The following TCF7L1 variants were observed in gnomAD, a reference collection of about 807,000 sequenced individuals.
TCF7L1 encodes the protein transcription factor 7-like 1.
In TCF7L1, 18 loss-of-function variants were observed where a neutral mutation model predicts 63.7. The observed-to-expected ratio is 0.28, with a 90% CI of 0.20 to 0.42. The LOEUF (loss-of-function observed/expected upper bound fraction) is 0.42. TCF7L1 is among the 10% of genes least tolerant of loss of function. The pLI is 1.00. For missense variants in TCF7L1, 654 were observed against 779.3 expected, an observed-to-expected ratio of 0.84 and a Z score of 1.91; for synonymous variants, 355 against 340.9, an observed-to-expected ratio of 1.04 and a Z score of -0.46.
chr2:85,268,543 G>T (rs1461317250), intron 3 of TCF7L1, among the ~76,000 whole-genome samples: 1 of 143,286 alleles, frequency 7.0e-6, no homozygotes, highest in East Asian at 2.1e-4. Context: ...GCACGATTTC[G>T]GTTCACTGCA....
intron 3 of TCF7L1, among the ~76,000 whole-genome samples, chr2:85,252,250 A>G (rs1320561726): frequency 6.6e-6 from 1 of 152,196 alleles, no homozygotes; most frequent in Non-Finnish European, 1.5e-5. Context: ...CCCACAGGCT[A>G]GCTGATGCCT....
intron 3 of TCF7L1, among the ~76,000 whole-genome samples, chr2:85,165,373 C>A (rs928079792): frequency 6.8e-6 from 1 of 147,966 alleles, no homozygotes; most frequent in African/African-American, 2.4e-5. Flanking sequence ...ACAAGCCCAG[C>A]CTTAAATCTG....
intron 3 of TCF7L1, among the ~76,000 whole-genome samples, chr2:85,226,476 C>G (rs1020944503): frequency 2.0e-5 from 3 of 152,162 alleles, no homozygotes; most frequent in African/African-American, 7.2e-5. Flanking sequence ...TGAATCTGGG[C>G]TAGCCTGGAA....
intron 3 of TCF7L1, among the ~76,000 whole-genome samples, chr2:85,218,619 A>G (rs1199571256): frequency 6.7e-6 from 1 of 149,602 alleles, no homozygotes; most frequent in Non-Finnish European, 1.5e-5. Flanking sequence ...ATATTTAGTT[A>G]AAATATCTTT....
intron 3 of TCF7L1, among the ~76,000 whole-genome samples, chr2:85,180,362 G>A (rs371654224): frequency 1.5e-4 from 23 of 151,830 alleles, no homozygotes; most frequent in Middle Eastern, 3.4e-3. Context: ...TGTGAGCTAC[G>A]GTGCCCCAAA....
chr2:85,266,820 T>G (rs1213101777), intron 3 of TCF7L1, among the ~76,000 whole-genome samples: 1 of 152,264 alleles, frequency 6.6e-6, no homozygotes, highest in Non-Finnish European at 1.5e-5. Context: ...CCAATTATTT[T>G]TATGTTTATG....
chr2:85,142,247 C>T (rs546637057), intron 3 of TCF7L1, among the ~76,000 whole-genome samples: 3 of 151,924 alleles, frequency 2.0e-5, no homozygotes, highest in African/African-American at 4.8e-5. Context: ...GGCAATATGG[C>T]GAAACCCCAT....
chr2:85,160,868 G>A lies in TCF7L1; in HGVS notation c.441+26418G>A, dbSNP rs571068171. Among the ~76,000 whole-genome samples the A allele has an allele frequency of 3.3e-5, 5 of 152,266 alleles. No homozygotes were observed. In the South Asian group the frequency reaches 6.2e-4, roughly 19 times the overall value. On this transcript the variant is annotated intron_variant, in intron 3 of 11. Coordinates refer to ENST00000282111, the MANE Select transcript of TCF7L1 (RefSeq NM_031283.3). ...TCTGTCTCAAAAAGAAAAGAAAAAA[G>A]AAGCCGCTTAGTTTTGTTCCAGAAG...
chr2:85,155,035 T>G (rs1167456890), intron 3 of TCF7L1, among the ~76,000 whole-genome samples: 1 of 152,166 alleles, frequency 6.6e-6, no homozygotes, highest in Non-Finnish European at 1.5e-5. Flanking sequence ...CAGGCTAGTC[T>G]CAAACTCCTG....
chr2:85,158,412 C>T (rs997744937), intron 3 of TCF7L1, among the ~76,000 whole-genome samples: 17 of 152,136 alleles, frequency 1.1e-4, no homozygotes, highest in East Asian at 3.9e-4. Flanking sequence ...TCCAGAACTC[C>T]GAGGCCCAAA....
intron 3 of TCF7L1, among the ~76,000 whole-genome samples, chr2:85,201,821 T>A (rs1679278072): frequency 6.6e-6 from 1 of 152,228 alleles, no homozygotes; most frequent in Admixed American, 6.5e-5. Context: ...AAGTGGTATG[T>A]CATTGTAGTT....
Position 85,133,958 on chromosome 2 carries a change from C to T in TCF7L1, c.249+25C>T, listed in dbSNP as rs903187170. Reference sequence around the variant, plus strand: ...GGTAAGGAAGCACCGCGGCCACCCCCGGGGGATCCCGGCCCTGCGTCCGCT... The same window carrying T: ...GGTAAGGAAGCACCGCGGCCACCCCTGGGGGATCCCGGCCCTGCGTCCGCT... On this transcript the variant is annotated intron_variant, in intron 1 of 11. Coordinates refer to ENST00000282111, the MANE Select transcript of TCF7L1 (RefSeq NM_031283.3). This position sits in a 1 kb window ranked among gnomAD's most constrained non-coding sequence, Gnocchi z 4.4. The T allele has an allele frequency of 6.4e-6, 10 of 1,573,844 alleles. No individual in the cohort carries two copies. The highest frequency in any genetic ancestry group is 2.7e-5 in the African/African-American group (2 of 73,422).
chr2:85,202,043 A>C (rs1200068854), intron 3 of TCF7L1, among the ~76,000 whole-genome samples: 1 of 151,814 alleles, frequency 6.6e-6, no homozygotes, highest in African/African-American at 2.4e-5. Flanking sequence ...GCTCACTGTA[A>C]CCTCCACCTT....
chr2:85,294,196 C>T (rs1336253808), intron 4 of TCF7L1, among the ~76,000 whole-genome samples: 1 of 151,850 alleles, frequency 6.6e-6, no homozygotes, highest in Non-Finnish European at 1.5e-5. Context: ...GCCACCACGC[C>T]CGGCTAATTT....
intron 3 of TCF7L1, among the ~76,000 whole-genome samples, chr2:85,167,662 G>A (rs1287719985): frequency 1.3e-5 from 2 of 152,108 alleles, no homozygotes; most frequent in African/African-American, 2.4e-5. Context: ...CCAGAAGTTC[G>A]AGACCAGCCT....
At chr2:85,160,414 G>A (rs1038829765) in intron 3 of TCF7L1, among the ~76,000 whole-genome samples, 2 of 152,134 alleles carry the variant, frequency 1.3e-5, no homozygotes, top group African/African-American at 4.8e-5. Flanking sequence ...TAGTAGAGAT[G>A]GGGTTTCACC....
chr2:85,150,682 C>T (rs762308780), intron 3 of TCF7L1, among the ~76,000 whole-genome samples: 14 of 151,478 alleles, frequency 9.2e-5, no homozygotes, highest in Non-Finnish European at 2.1e-4. Context: ...TCCTCAGGAA[C>T]GTTATCTATT....
intron 3 of TCF7L1, among the ~76,000 whole-genome samples, chr2:85,211,596 T>A (rs1307299782): frequency 1.3e-5 from 2 of 152,134 alleles, no homozygotes; most frequent in Non-Finnish European, 2.9e-5. Flanking sequence ...CTCACCTAGC[T>A]TATAATTTAG....
chr2:85,169,623 A>G (rs1254453240), intron 3 of TCF7L1, among the ~76,000 whole-genome samples: 5 of 152,140 alleles, frequency 3.3e-5, no homozygotes, highest in African/African-American at 1.2e-4. Flanking sequence ...GTTGTTCCCT[A>G]ATTGTTTCAG....
Sources: allele counts gnomAD v4.1 joint callset (sites outside exome capture counted in the v4.1 genomes callset), GRCh38; gene constraint gnomAD v4.1.1; non-coding constraint Gnocchi (gnomAD v3.1); transcripts MANE v1.5; gene names NCBI Gene and HGNC (gene_info 2026-07-23, HGNC 2026-07-21).